The following NALCN variants were observed in gnomAD, a reference collection of about 807,000 sequenced individuals.
NALCN encodes the protein sodium leak channel, non-selective.
Under a neutral mutation model 225.3 loss-of-function variants are expected in NALCN, and 111 were observed. The observed-to-expected ratio is 0.49, with a 90% CI of 0.42 to 0.58. The LOEUF (loss-of-function observed/expected upper bound fraction) is 0.58, where lower values mean the gene tolerates loss of function less well. NALCN is among the 20% of genes least tolerant of loss of function. NALCN has a pLI of 0.00. For synonymous variants in NALCN, 764 were observed against 769.0 expected (o/e 0.99, Z 0.11); for missense variants, 1,378 against 2,202.4 (o/e 0.63, Z 7.49).
chr13:101,342,956 T>C (rs1405994426), intron 7 of NALCN, among the ~76,000 whole-genome samples: 1 of 152,204 alleles, frequency 6.6e-6, no homozygotes, highest in East Asian at 1.9e-4. Context: ...GAATGGTAAT[T>C]TGATTAGTAA....
chr13:101,137,574 T>C (rs149073200), intron 17 of NALCN, among the ~76,000 whole-genome samples: 2 of 152,292 alleles, frequency 1.3e-5, no homozygotes, highest in East Asian at 3.9e-4. Flanking sequence ...CCTAATTTAC[T>C]TCTTCAGATT....
intron 15 of NALCN, among the ~76,000 whole-genome samples, chr13:101,159,952 A>ATTT (rs1259464417): frequency 8.8e-6 from 1 of 113,312 alleles, no homozygotes; most frequent in African/African-American, 2.7e-5. Flanking sequence ...ATTTTTTGTT[A>ATTT]TTTTTATTTT....
intron 15 of NALCN, among the ~76,000 whole-genome samples, chr13:101,146,621 TG>T (rs140533321): frequency 0.24 from 36,905 of 151,890 alleles, 5,241 homozygotes; most frequent in Non-Finnish European, 0.32. Context: ...CAGATCAGAG[TG>T]TAAGGCAGGT....
At position 101,393,230 on chromosome 13, in the gene NALCN, A is replaced by G. The variant is rs138264419; in HGVS notation, c.291+1953T>C. ...AAAATCCCATCTAACCTCACTCTCA[A>G]AAGGGAAATGCAAATTAAAACTACA... is the stretch of plus-strand genomic sequence containing the variant. On this transcript the variant is annotated intron_variant, in intron 3 of 43. Transcript: ENST00000251127. Among the ~76,000 whole-genome samples the G allele has an allele frequency of 1.9e-3, 282 of 152,308 alleles. 1 individual carries two copies. The highest frequency in any genetic ancestry group is 6.4e-3 in the African/African-American group (267 of 41,580).
intron 34 of NALCN, among the ~76,000 whole-genome samples, chr13:101,076,602 C>G (rs781596808): frequency 6.6e-6 from 1 of 152,182 alleles, no homozygotes; most frequent in Middle Eastern, 3.2e-3. Flanking sequence ...CAAATGATGA[C>G]AGTCACAGAT....
In NALCN at chr13:101,062,079, C is replaced by T; in HGVS notation, c.4644G>A (p.Leu1548=). 1.2e-6 allele frequency: 2 copies of T among 1,614,180 alleles called. No homozygotes were observed. The highest frequency in any genetic ancestry group is 1.7e-6 in the Non-Finnish European group (2 of 1,180,030). Residue 1548 remains leucine, a synonymous_variant, in exon 41 of 44, where the codon TTG becomes TTA. Coordinates refer to ENST00000251127, the MANE Select transcript of NALCN (RefSeq NM_052867.4). ...CCCTCGCCAGGAGTTCCTCCAGCTG[C>T]AAGCTCTTCCGGATGTCCACGGACC... ...SYRSVDIRKS[L]QLEELLAREQ...
At chr13:101,306,861 C>A (rs890367190) in intron 7 of NALCN, among the ~76,000 whole-genome samples, 3 of 152,144 alleles carry the variant, frequency 2.0e-5, no homozygotes, top group Admixed American at 2.0e-4. Flanking sequence ...CCCTATCAGG[C>A]TTTCTTTGTG....
chr13:101,249,487 C>T (rs7982539), intron 11 of NALCN, among the ~76,000 whole-genome samples: 47,314 of 152,042 alleles, frequency 0.31, 7,941 homozygotes, highest in Non-Finnish European at 0.38. Flanking sequence ...AATAAAATCA[C>T]AGAACTACTA....
chr13:101,116,467 T>C (rs1322484750), intron 18 of NALCN: 1 of 512,278 alleles, frequency 2.0e-6, no homozygotes, highest in South Asian at 1.4e-5. Context: ...GGAGCTTTAT[T>C]AGCCTTTAAA....
At chr13:101,381,402 AT>A (rs989576447) in intron 3 of NALCN, among the ~76,000 whole-genome samples, 9 of 152,140 alleles carry the variant, frequency 5.9e-5, no homozygotes, top group Admixed American at 5.9e-4. Flanking sequence ...TGTGTTAAAG[AT>A]CTCACAGAGG....
At chr13:101,290,288 G>A (rs1207941449) in intron 9 of NALCN, among the ~76,000 whole-genome samples, 1 of 152,074 alleles carries the variant, frequency 6.6e-6, no homozygotes, top group Non-Finnish European at 1.5e-5. Context: ...AACATACTAT[G>A]GTTTTAAAGG....
chr13:101,207,691 A>G (rs559507211), intron 13 of NALCN, among the ~76,000 whole-genome samples: 4 of 152,208 alleles, frequency 2.6e-5, no homozygotes, highest in Admixed American at 6.5e-5. Flanking sequence ...ACCAATCAGC[A>G]CTCTGTAAAA....
At chr13:101,378,396 G>C (rs538708044) in intron 4 of NALCN, among the ~76,000 whole-genome samples, 174 bp downstream of exon 4, 1 of 151,720 alleles carries the variant, frequency 6.6e-6, no homozygotes, top group South Asian at 2.1e-4. Flanking sequence ...TTTCAAATAT[G>C]TCAGAGTAAA....
At chr13:101,180,201 G>GTT (rs1566391458) in intron 14 of NALCN, among the ~76,000 whole-genome samples, 6 of 119,838 alleles carry the variant, frequency 5.0e-5, no homozygotes. Flanking sequence ...CTCTCCACCT[G>GTT]GTCTTTTTTT....
intron 7 of NALCN, among the ~76,000 whole-genome samples, chr13:101,303,935 A>C (rs2044061765): frequency 6.6e-6 from 1 of 152,172 alleles, no homozygotes; most frequent in Non-Finnish European, 1.5e-5. Flanking sequence ...CACTAGCTAA[A>C]CTCTAACATG....
At chr13:101,141,696 G>A (rs1162555185) in intron 17 of NALCN, among the ~76,000 whole-genome samples, 1 of 151,824 alleles carries the variant, frequency 6.6e-6, no homozygotes, top group East Asian at 1.9e-4. Flanking sequence ...AAAAGGGGAG[G>A]CGAGATAAAG....
chr13:101,060,293 T>TTTTTAGA (rs1429316247), intron 41 of NALCN, among the ~76,000 whole-genome samples: 1 of 146,214 alleles, frequency 6.8e-6, no homozygotes, highest in Non-Finnish European at 1.5e-5. Flanking sequence ...TTTTTTTTTT[T>TTTTTAGA]TAGATAGGAT....
At chr13:101,176,194 A>G (rs2038950753) in intron 15 of NALCN, 106 bp downstream of exon 15, 1 of 740,850 alleles carries the variant, frequency 1.3e-6, no homozygotes, top group African/African-American at 1.8e-5. Context: ...GCCTTATTAC[A>G]TTTTATTTTT....
In NALCN at chr13:101,337,277, A is replaced by ATTATTTATTTAT. The variant is rs3062886; in HGVS notation, c.799+7977_799+7988dup. On this transcript the variant is annotated intron_variant, in intron 7 of 43. Transcript: ENST00000251127. ...TCACATTCCTTCACATTTACTCTTT[A>ATTATTTATTTAT]TTATTTATTTATTTATTTATTTATT... is the stretch of plus-strand genomic sequence containing the variant. Among the ~76,000 whole-genome samples, 147 of 142,612 alleles carry ATTATTTATTTAT rather than the reference A, an allele frequency of 1.0e-3. 1 individual carries two copies. The highest frequency in any genetic ancestry group is 2.1e-3 in the Admixed American group (30 of 14,110). 93.6% of individuals were successfully genotyped at this position (142,612 alleles called of 152,430 possible).
Sources: allele counts gnomAD v4.1 joint callset (sites outside exome capture counted in the v4.1 genomes callset), GRCh38; gene constraint gnomAD v4.1.1; transcripts MANE v1.5; gene names NCBI Gene and HGNC (gene_info 2026-07-23, HGNC 2026-07-21).